The following GGT5 variants were observed in gnomAD, a reference collection of about 807,000 sequenced individuals.
GGT5 encodes the protein glutathione hydrolase 5 proenzyme.
Under a neutral mutation model 58.1 loss-of-function variants are expected in GGT5, and 50 were observed. The observed-to-expected ratio is 0.86, with a 90% CI of 0.69 to 1.09. The LOEUF (loss-of-function observed/expected upper bound fraction) is 1.09. Among genes scored for constraint, GGT5 ranks in the 50% least tolerant of loss-of-function variants. The probability of loss-of-function intolerance (pLI) is 0.00; values close to 1 mark genes in which losing one functional copy is unlikely to be tolerated. For synonymous variants in GGT5, 370 were observed against 346.1 expected (o/e 1.07, Z -0.77); for missense variants, 800 against 789.4 (o/e 1.01, Z -0.16).
chr22:24,225,753 C>T (rs1014620904), intron 8 of GGT5, 101 bp from the exon 9 acceptor site: 1 of 765,206 alleles, frequency 1.3e-6, no homozygotes. Context: ...TTTACAGCTG[C>T]CCCGAAGCAT....
At chr22:24,220,600 TAAG>T (rs754212688) in intron 11 of GGT5, 10 of 432,106 alleles carry the variant, frequency 2.3e-5, no homozygotes, top group Non-Finnish European at 3.6e-5. Context: ...AAATAAAAAA[TAAG>T]AAATAAAAAA....
At chr22:24,244,506 G>A (rs761985685) in intron 1 of GGT5, 47 bp downstream of exon 1, 28 of 1,520,990 alleles carry the variant, frequency 1.8e-5, no homozygotes, top group African/African-American at 4.1e-5. Context: ...TCTCCAGGAG[G>A]GGCTGGCTGC....
Position 24,225,559 on chromosome 22 carries a change from G to A in GGT5, c.1323C>T (p.Thr441=). The change falls in exon 9 of 12, where the codon ACC becomes ACT. Residue 441 remains threonine, a synonymous_variant. Transcript: ENST00000327365. ...CTTTGTTCTCACCAGGTGAGGGGGT[G>A]GTGCCGGAACCCCGGGGGCATCGCT... is the stretch of plus-strand genomic sequence containing the variant. ...LCERCPRGSG[T]TPSPVSGDRV... 6.2e-7 allele frequency: 1 copy of A among 1,610,070 alleles called. No individual in the cohort carries two copies. Among genetic ancestry groups the A allele is most frequent in the South Asian group, 1.1e-5 (1 of 90,994 alleles).
chr22:24,241,157 C>CGA lies in GGT5; in HGVS notation c.173+3395_173+3396insTC, dbSNP rs1491554724. 45 of 73,394 alleles carry CGA rather than the reference C, an allele frequency of 6.1e-4. 1 individual carries two copies. Among genetic ancestry groups the CGA allele is most frequent in the African/African-American group, 2.1e-3 (43 of 20,622 alleles). The allele number at this position is 73,394 out of a possible 1,614,324, so 4.5% of individuals were successfully genotyped here. A position where few individuals can be genotyped will look rare whatever the true frequency, so the allele number is the denominator to read the frequency against. On this transcript the variant is annotated intron_variant, in intron 1 of 11. Coordinates refer to ENST00000327365, the MANE Select transcript of GGT5 (RefSeq NM_004121.5). Reference sequence around the variant, plus strand: ...GTGCAACAAGAACAAAACTCCATCTCAAAAAAAAAAAAAAAAAAAAACACG... The same window carrying CGA: ...GTGCAACAAGAACAAAACTCCATCTCGAAAAAAAAAAAAAAAAAAAAAACACG...
In GGT5 at chr22:24,232,078, T is replaced by G. The variant is rs2047958925; in HGVS notation, c.727A>C (p.Met243Leu). Residue 243 changes from methionine (M) to leucine (L), a missense_variant, in exon 5 of 12, where the codon ATG (methionine) becomes CTG (leucine). Physicochemically the swap from Met to Leu is conservative, Grantham distance 15 (BLOSUM62 2). Transcript: ENST00000327365. Reference sequence around the variant, plus strand: ...TCCTTGGCAATGTCCTCCACCAGCATCTGGCCCAGCCTCCCCGTGTAGAAG... The same window carrying G: ...TCCTTGGCAATGTCCTCCACCAGCAGCTGGCCCAGCCTCCCCGTGTAGAAG... ...EVFYTGRLGQ[M>L]LVEDIAKEGS... The G allele has an allele frequency of 1.2e-6, 2 of 1,613,342 alleles. No individual in the cohort carries two copies. Among genetic ancestry groups the G allele is most frequent in the African/African-American group, 2.7e-5 (2 of 74,898 alleles).
chr22:24,243,245 G>C (rs1016571497), intron 1 of GGT5: 3 of 152,294 alleles, frequency 2.0e-5, no homozygotes, highest in Non-Finnish European at 4.4e-5. Context: ...CTGAGCAGAG[G>C]AGGGGCACAG....
chr22:24,244,295 G>GCACA (rs146390000), intron 1 of GGT5: 7 of 401,292 alleles, frequency 1.7e-5, no homozygotes, highest in East Asian at 4.2e-5. Context: ...CAGTGCACGT[G>GCACA]CACACACACA....
chr22:24,219,982 G>C lies in GGT5; in HGVS notation c.1749C>G (p.Ala583=), dbSNP rs372251413. Residue 583 remains alanine (A), a synonymous_variant, in exon 12 of 12, where the codon GCC becomes GCG. Transcript: ENST00000327365. The part of the protein sequence containing the change: ...AVSDLRKSGE[A]AGY ...GCAGAGCAGTGTCTTAGTAGCCTGC[G>C]GCCTCCCCACTCTTCCTCAGGTCCG... 5 of 1,613,882 alleles carry C rather than the reference G, an allele frequency of 3.1e-6. No individual in the cohort carries two copies. The highest frequency in any genetic ancestry group is 4.2e-6 in the Non-Finnish European group (5 of 1,179,952).
At chr22:24,223,888 G>A (rs1202428359) in intron 11 of GGT5, among the ~76,000 whole-genome samples, 4 of 148,184 alleles carry the variant, frequency 2.7e-5, no homozygotes, top group Non-Finnish European at 5.9e-5. Context: ...TCAGCCTCCC[G>A]AGTAGCTGGG....
intron 1 of GGT5, among the ~76,000 whole-genome samples, chr22:24,236,942 A>G (rs1053985192): frequency 2.0e-5 from 3 of 151,624 alleles, no homozygotes; most frequent in Non-Finnish European, 4.4e-5. Flanking sequence ...ATTCCCCTCA[A>G]GGTGACGGCC....
Position 24,219,902 on chromosome 22 carries a change from C to G in GGT5, c.*68G>C. 6.6e-7 allele frequency: 1 copy of G among 1,515,800 alleles called. No individual in the cohort carries two copies. Among genetic ancestry groups the G allele is most frequent in the African/African-American group, 1.4e-5 (1 of 73,076 alleles). 93.9% of individuals were successfully genotyped at this position (1,515,800 alleles called of 1,614,324 possible). On this transcript the variant is annotated 3_prime_UTR_variant, in exon 12 of 12. Transcript: ENST00000327365. ...GATCCTGCCAGAGTAGTTGGTCCCC[C>G]AGCCATGTCCGGCCTGGACACAGGA...
chr22:24,226,119 C>T lies in GGT5; in HGVS notation c.1186G>A (p.Glu396Lys). The change falls in exon 8 of 12, where the codon GAG becomes AAG. Residue 396 changes from glutamate (E) to lysine (K), a missense_variant. Coordinates refer to ENST00000327365, the MANE Select transcript of GGT5 (RefSeq NM_004121.5). Reference protein sequence around the residue: ...TGTSHVSVLGEDGSAVAATST... With the variant: ...TGTSHVSVLGKDGSAVAATST... ...GTGGCAGCCACGGCGCTGCCATCCT[C>T]CCCCAGCACAGACACATGGGACGTG... The T allele has an allele frequency of 6.2e-7, 1 of 1,608,628 alleles. No individual in the cohort carries two copies. Among genetic ancestry groups the T allele is most frequent in the Non-Finnish European group, 8.5e-7 (1 of 1,177,954 alleles).
At chr22:24,239,839 TAGGACGC>T (rs1331641626) in intron 1 of GGT5, among the ~76,000 whole-genome samples, 1 of 151,696 alleles carries the variant, frequency 6.6e-6, no homozygotes, top group African/African-American at 2.4e-5. Flanking sequence ...CCCAACACTT[TAGGACGC>T]CGAGGTAAGC....
At chr22:24,238,819 A>AT (rs1304458304) in intron 1 of GGT5, among the ~76,000 whole-genome samples, 1 of 13,470 alleles carries the variant, frequency 7.4e-5, no homozygotes, top group South Asian at 2.4e-3. Flanking sequence ...TATATTATAT[A>AT]TATATATATA....
chr22:24,240,730 C>T (rs551709126), intron 1 of GGT5, among the ~76,000 whole-genome samples: 11 of 152,174 alleles, frequency 7.2e-5, no homozygotes, highest in African/African-American at 2.2e-4. Context: ...TGGGCTTCAG[C>T]GACCCACTCA....
At position 24,225,570 on chromosome 22, in the gene GGT5, C is replaced by T. The variant is rs202092652; in HGVS notation, c.1312G>A (p.Gly438Ser). The T allele has an allele frequency of 6.2e-7, 1 of 1,612,766 alleles. No individual in the cohort carries two copies. Among genetic ancestry groups the T allele is most frequent in the East Asian group, 2.2e-5 (1 of 44,858 alleles). The change falls in exon 9 of 12, where the codon GGT (glycine) becomes AGT (serine). Residue 438 changes from glycine (G) to serine (S), a missense_variant. Physicochemically the swap from Gly to Ser is moderately conservative, Grantham distance 56 (BLOSUM62 0). Coordinates refer to ENST00000327365, the MANE Select transcript of GGT5 (RefSeq NM_004121.5). ...LLDLCERCPR[G>S]SGTTPSPVSG... ...CCAGGTGAGGGGGTGGTGCCGGAAC[C>T]CCGGGGGCATCGCTCGCATAAGTCC...
intron 11 of GGT5, among the ~76,000 whole-genome samples, chr22:24,222,915 A>C (rs1051990180): frequency 1.3e-5 from 2 of 151,780 alleles, no homozygotes; most frequent in Non-Finnish European, 2.9e-5. Flanking sequence ...GTCTCTACTA[A>C]AAATACAAAA....
In GGT5 at chr22:24,220,120, G is replaced by A; in HGVS notation, c.1615-4C>T. The A allele has an allele frequency of 6.2e-7, 1 of 1,613,808 alleles. No individual in the cohort carries two copies. ...CTTGGAGTCCCCTCTGCACCTCCTGGAGAGGAGAGAAAGCAGGTTCACAGG... is the reference window on the plus strand; with the variant it reads ...CTTGGAGTCCCCTCTGCACCTCCTGAAGAGGAGAGAAAGCAGGTTCACAGG... On this transcript the variant is annotated splice_polypyrimidine_tract_variant and splice_region_variant and intron_variant, in intron 11 of 11. Coordinates refer to ENST00000327365, the MANE Select transcript of GGT5 (RefSeq NM_004121.5).
At chr22:24,232,238 G>T in intron 4 of GGT5, 30 bp from the exon 5 acceptor site, 2 of 1,332,606 alleles carry the variant, frequency 1.5e-6, no homozygotes, top group African/African-American at 1.5e-5. Flanking sequence ...TCAGGGTGGG[G>T]CCAGGTCCCA....
Sources: allele counts gnomAD v4.1 joint callset (sites outside exome capture counted in the v4.1 genomes callset), GRCh38; gene constraint gnomAD v4.1.1; transcripts MANE v1.5; gene names NCBI Gene and HGNC (gene_info 2026-07-23, HGNC 2026-07-21).